The following NRXN3 variants were observed in gnomAD, a reference collection of about 807,000 sequenced individuals.
The protein encoded by NRXN3 is neurexin 3.
In NRXN3, 32 loss-of-function variants were observed where a neutral mutation model predicts 137.6. The observed-to-expected ratio is 0.23, with a 90% CI of 0.18 to 0.31. NRXN3 has a LOEUF of 0.31. NRXN3 is among the 10% of genes least tolerant of loss of function. NRXN3 has a pLI of 1.00. For synonymous variants in NRXN3, 798 were observed against 784.5 expected (o/e 1.02, Z -0.29); for missense variants, 1,574 against 2,062.5 (o/e 0.76, Z 4.59).
intron 15 of NRXN3, among the ~76,000 whole-genome samples, chr14:78,991,650 A>T (rs2099519116): frequency 6.6e-6 from 1 of 152,204 alleles, no homozygotes; most frequent in Non-Finnish European, 1.5e-5. Context: ...AAGGTACTAA[A>T]TCCATCATGT....
intron 4 of NRXN3, among the ~76,000 whole-genome samples, chr14:78,463,416 G>A (rs2094987623): frequency 1.3e-5 from 2 of 152,012 alleles, no homozygotes; most frequent in Admixed American, 6.5e-5. Flanking sequence ...TAGATACCCA[G>A]TAGTGGGACT....
At chr14:79,676,973 T>C (rs573423664) in intron 17 of NRXN3, among the ~76,000 whole-genome samples, 2 of 152,212 alleles carry the variant, frequency 1.3e-5, no homozygotes, top group South Asian at 4.1e-4. Flanking sequence ...AATATTAAAC[T>C]GTACAACTGA....
intron 15 of NRXN3, chr14:79,247,310 C>T (rs565499809): frequency 6.6e-6 from 1 of 152,148 alleles, no homozygotes; most frequent in African/African-American, 2.4e-5. Flanking sequence ...CTAAGTAAGT[C>T]CTGCAGTCTT....
At chr14:78,390,557 T>C (rs2090616669) in intron 4 of NRXN3, among the ~76,000 whole-genome samples, 1 of 152,186 alleles carries the variant, frequency 6.6e-6, no homozygotes, top group Non-Finnish European at 1.5e-5. Flanking sequence ...AAGGAGAAAG[T>C]CAAGATAGAG....
intron 10 of NRXN3, among the ~76,000 whole-genome samples, chr14:78,895,863 G>A (rs1035239887): frequency 2.6e-5 from 4 of 151,714 alleles, no homozygotes; most frequent in South Asian, 4.1e-4. Flanking sequence ...TAAGTTGAGC[G>A]GTCAGAAGAC....
At chr14:78,415,046 T>G (rs958582023) in intron 4 of NRXN3, among the ~76,000 whole-genome samples, 2 of 152,186 alleles carry the variant, frequency 1.3e-5, no homozygotes, top group Non-Finnish European at 2.9e-5. Context: ...TTCGGAACCA[T>G]AGATTTCATT....
intron 14 of NRXN3, among the ~76,000 whole-genome samples, chr14:78,969,158 A>G (rs1026062104): frequency 6.6e-6 from 1 of 152,216 alleles, no homozygotes; most frequent in African/African-American, 2.4e-5. Flanking sequence ...TATGTCAAAC[A>G]TCTAATAATA....
chr14:78,549,822 G>A (rs10483907), intron 4 of NRXN3, among the ~76,000 whole-genome samples: 53,460 of 151,800 alleles, frequency 0.35, 9,944 homozygotes, highest in Admixed American at 0.41. Context: ...ATTCATTCCA[G>A]TATTCATTTC....
intron 17 of NRXN3, among the ~76,000 whole-genome samples, chr14:79,668,119 G>A (rs529207149): frequency 3.9e-5 from 6 of 152,022 alleles, no homozygotes; most frequent in Admixed American, 1.3e-4. Context: ...AAATGCACAC[G>A]GATGACCTAC....
At chr14:78,861,605 A>G (rs1463608365) in intron 10 of NRXN3, among the ~76,000 whole-genome samples, 1 of 152,158 alleles carries the variant, frequency 6.6e-6, no homozygotes, top group African/African-American at 2.4e-5. Context: ...TTCTTATTTT[A>G]TGCTCATGTT....
intron 15 of NRXN3, among the ~76,000 whole-genome samples, chr14:79,340,287 T>C (rs575750754): frequency 1.3e-5 from 2 of 152,116 alleles, no homozygotes; most frequent in South Asian, 4.2e-4. Flanking sequence ...TCTCTAATAA[T>C]AAAATATGAC....
At chr14:78,903,496 A>G (rs926665053) in intron 10 of NRXN3, among the ~76,000 whole-genome samples, 1 of 152,022 alleles carries the variant, frequency 6.6e-6, no homozygotes, top group African/African-American at 2.4e-5. Flanking sequence ...GGTGCGTAAG[A>G]CATATGTGTT....
chr14:79,860,500 T>C (rs187082217), intron 20 of NRXN3, among the ~76,000 whole-genome samples: 104 of 152,306 alleles, frequency 6.8e-4, no homozygotes, highest in Non-Finnish European at 1.2e-3. Flanking sequence ...AAGTGTGAAA[T>C]AAAAGGAAGT....
At chr14:78,990,412 C>A (rs1292124397) in intron 15 of NRXN3, among the ~76,000 whole-genome samples, 1 of 124,264 alleles carries the variant, frequency 8.0e-6, no homozygotes, top group Non-Finnish European at 1.6e-5. Context: ...TCTGCTATTG[C>A]CCGGGCTGGA....
At chr14:79,745,165 G>T (rs1034780976) in intron 19 of NRXN3, among the ~76,000 whole-genome samples, 3 of 152,048 alleles carry the variant, frequency 2.0e-5, no homozygotes, top group African/African-American at 4.8e-5. Context: ...TTGTACACTT[G>T]GTTAATTTCA....
chr14:78,247,551 A>G (rs12432033), intron 2 of NRXN3, among the ~76,000 whole-genome samples: 43,324 of 152,102 alleles, frequency 0.28, 6,621 homozygotes, highest in South Asian at 0.37. Flanking sequence ...GTGGTCAACT[A>G]GACTTGTTCA....
chr14:79,831,566 C>G (rs893908144), intron 20 of NRXN3, among the ~76,000 whole-genome samples: 1 of 152,106 alleles, frequency 6.6e-6, no homozygotes, highest in Admixed American at 6.6e-5. Context: ...TTTTGCCAAA[C>G]GAGGGTTTTC....
intron 11 of NRXN3, among the ~76,000 whole-genome samples, chr14:78,959,605 G>A (rs553770968): frequency 1.3e-5 from 2 of 152,172 alleles, no homozygotes; most frequent in African/African-American, 4.8e-5. Context: ...AAAACACTTC[G>A]ATTACACATA....
In NRXN3 at chr14:79,861,059, C is replaced by T; in HGVS notation, c.4094-283C>T. 1 of 1,416,232 alleles carries T rather than the reference C, an allele frequency of 7.1e-7. No individual in the cohort carries two copies. The highest frequency in any genetic ancestry group is 9.2e-7 in the Non-Finnish European group (1 of 1,087,554). 87.7% of individuals were successfully genotyped at this position (1,416,232 alleles called of 1,614,324 possible). A position where few individuals can be genotyped will look rare whatever the true frequency, so the allele number is the denominator to read the frequency against. On this transcript the variant is annotated intron_variant, in intron 20 of 20. Coordinates refer to ENST00000335750, the MANE Select transcript of NRXN3 (RefSeq NM_001330195.2). This position sits in a 1 kb window ranked among gnomAD's most constrained non-coding sequence, Gnocchi z 5.4. ...CCCAGGAGGTGAATTAGTTATCCCT[C>T]TTCTTGTAGAAGACCCTTTAGCTAC... is the stretch of plus-strand genomic sequence containing the variant.
Sources: gnomAD v4.1 joint callset for allele counts (sites outside exome capture counted in the v4.1 genomes callset) on GRCh38, gnomAD v4.1.1 for gene constraint, Gnocchi (gnomAD v3.1) non-coding constraint, MANE v1.5 for transcripts, NCBI Gene and HGNC (gene_info 2026-07-23, HGNC 2026-07-21) for gene names.